Variants in NTAQ1 observed in about 807,000 individuals in gnomAD.
NTAQ1 encodes protein N-terminal glutamine amidohydrolase.
A neutral mutation model predicts 28.2 loss-of-function variants in NTAQ1; 21 were observed. The observed-to-expected ratio is 0.74, with a 90% CI of 0.53 to 1.07. NTAQ1 has a LOEUF of 1.07. NTAQ1 is among the 50% of genes least tolerant of loss of function. NTAQ1 has a pLI of 0.00. For synonymous variants in NTAQ1, 105 were observed against 90.0 expected, an observed-to-expected ratio of 1.17 and a Z score of -0.94; for missense variants, 264 against 256.6, an observed-to-expected ratio of 1.03 and a Z score of -0.20.
chr8:123,448,615 G>A (rs1480510628), downstream of NTAQ1, among the ~76,000 whole-genome samples: 2 of 152,158 alleles, frequency 1.3e-5, no homozygotes, highest in Non-Finnish European at 2.9e-5. Flanking sequence ...GTGAGACTCC[G>A]TCGAAAAAGA....
chr8:123,427,519 C>T (rs1240353409), intron 1 of NTAQ1, among the ~76,000 whole-genome samples: 3 of 152,118 alleles, frequency 2.0e-5, no homozygotes, highest in Non-Finnish European at 2.9e-5. Flanking sequence ...CCGCCCGCCT[C>T]GGCCTCCCAA....
intron 6 of NTAQ1, among the ~76,000 whole-genome samples, chr8:123,464,854 A>G (rs1244024789): frequency 1.3e-5 from 2 of 152,332 alleles, no homozygotes; most frequent in East Asian, 3.9e-4. Flanking sequence ...CCTGGCCAAC[A>G]TAGTGAAACC....
downstream of NTAQ1, among the ~76,000 whole-genome samples, chr8:123,451,595 T>C (rs1036546791): frequency 6.6e-6 from 1 of 152,214 alleles, no homozygotes; most frequent in African/African-American, 2.4e-5. Context: ...CACTTCAGCC[T>C]CCCAAAATGC....
intron 1 of NTAQ1, among the ~76,000 whole-genome samples, chr8:123,419,078 G>T (rs4871369): frequency 0.99 from 136,679 of 138,082 alleles, 67,691 homozygotes; most frequent in East Asian, 1. Context: ...TGCAGCTTTG[G>T]GGGTTTTTTT....
chr8:123,460,920 C>T (rs1431793360), intron 6 of NTAQ1, among the ~76,000 whole-genome samples: 3 of 152,238 alleles, frequency 2.0e-5, no homozygotes, highest in Non-Finnish European at 4.4e-5. Context: ...CGTCTGACTT[C>T]TACATTCAGG....
chr8:123,448,627 TAAGAAG>T (rs1052475904), downstream of NTAQ1, among the ~76,000 whole-genome samples: 1 of 152,102 alleles, frequency 6.6e-6, no homozygotes, highest in Non-Finnish European at 1.5e-5. Flanking sequence ...CGAAAAAGAA[TAAGAAG>T]AATTTGTGGT....
chr8:123,440,154 T>C (rs1814968440), intron 5 of NTAQ1, among the ~76,000 whole-genome samples: 1 of 128,680 alleles, frequency 7.8e-6, no homozygotes, highest in Admixed American at 7.9e-5. Context: ...TCCTTTTTTT[T>C]TTTTTTTTTT....
intron 6 of NTAQ1, among the ~76,000 whole-genome samples, chr8:123,461,233 A>C (rs926006017): frequency 6.6e-6 from 1 of 152,104 alleles, no homozygotes; most frequent in Non-Finnish European, 1.5e-5. Flanking sequence ...ACGCTGCACC[A>C]TCTCCCAGGG....
chr8:123,427,832 C>A, intron 1 of NTAQ1, 92 bp from the exon 2 acceptor site: 1 of 1,100,130 alleles, frequency 9.1e-7, no homozygotes, highest in Admixed American at 2.2e-5. Context: ...AGGTCTTTTC[C>A]AACTTTTTGA....
intron 3 of NTAQ1, among the ~76,000 whole-genome samples, chr8:123,431,639 G>C (rs1026653327): frequency 3.3e-5 from 5 of 152,208 alleles, no homozygotes; most frequent in African/African-American, 4.8e-5. Context: ...CTCAGCTCTA[G>C]GGTTAGGAGC....
chr8:123,453,124 G>A (rs561256825), intron 6 of NTAQ1, among the ~76,000 whole-genome samples: 2 of 152,298 alleles, frequency 1.3e-5, no homozygotes, highest in South Asian at 2.1e-4. Context: ...CGTAAGTGAC[G>A]GTTGAATCAG....
rs373215386 is a variant in NTAQ1 at position 123,434,129 on chromosome 8, GCTCCTGCCTGCATTGCT to G, written c.235-2297_235-2281del. 2.6e-3 allele frequency among the ~76,000 whole-genome samples: 392 copies of G among 152,108 alleles called. 3 individuals carry two copies. In the South Asian group the frequency reaches 0.038, roughly 15 times the overall value. On this transcript the variant is annotated intron_variant, in intron 3 of 5. Coordinates refer to ENST00000287387, the MANE Select transcript of NTAQ1 (RefSeq NM_018024.3). ...TGAGATTGGAACCAGGCGCTTACCT[GCTCCTGCCTGCATTGCT>G]CTCCTGCCTGCATTGCTCTCCTGCC...
chr8:123,474,662 T>TGGG (rs1014241984), downstream of NTAQ1, among the ~76,000 whole-genome samples: 4 of 152,174 alleles, frequency 2.6e-5, no homozygotes, highest in Non-Finnish European at 5.9e-5. Flanking sequence ...CCTAGCACTG[T>TGGG]GGGAGGCCAA....
At chr8:123,445,758 A>G (rs1815254995), downstream of NTAQ1, among the ~76,000 whole-genome samples, 1 of 150,900 alleles carries the variant, frequency 6.6e-6, no homozygotes, top group Admixed American at 6.6e-5. Context: ...GGCGTGCACC[A>G]CCACACTTGG....
downstream of NTAQ1, among the ~76,000 whole-genome samples, chr8:123,442,783 C>T (rs910035559): frequency 2.4e-4 from 36 of 150,790 alleles, no homozygotes; most frequent in Middle Eastern, 3.5e-3. Context: ...ATTCTCGTGC[C>T]TCAGCCTCCT....
chr8:123,441,549 A>C lies in NTAQ1; in HGVS notation c.*134A>C. ...TCTCTTTTAATTTGATTGAGTGGAA[A>C]TCTGAGTGAATACAAATATAAATGA... On this transcript the variant is annotated 3_prime_UTR_variant, in exon 6 of 6. Transcript: ENST00000287387. 1.4e-6 allele frequency: 1 copy of C among 733,216 alleles called. No individual in the cohort carries two copies. The highest frequency in any genetic ancestry group is 2.3e-6 in the Non-Finnish European group (1 of 437,892). The allele number at this position is 733,216 out of a possible 1,614,324, so 45.4% of individuals were successfully genotyped here.
intron 6 of NTAQ1, among the ~76,000 whole-genome samples, chr8:123,456,361 C>T (rs539736473): frequency 1.3e-5 from 2 of 152,278 alleles, no homozygotes; most frequent in South Asian, 2.1e-4. Context: ...CTCACTGCAG[C>T]CTCCGCCTCT....
At chr8:123,469,208 A>C (rs1816017864) in exon 7 of NTAQ1, among the ~76,000 whole-genome samples, 1 of 152,182 alleles carries the variant, frequency 6.6e-6, no homozygotes, top group South Asian at 2.1e-4. Context: ...TTGGTGCACA[A>C]AAGTTTTTAA....
At chr8:123,441,001 C>T (rs1350587378) in intron 5 of NTAQ1, among the ~76,000 whole-genome samples, 4 of 151,600 alleles carry the variant, frequency 2.6e-5, no homozygotes, top group East Asian at 1.9e-4. Flanking sequence ...CATGAAGTTT[C>T]GTTCCATAGA....
Sources: allele counts gnomAD v4.1 joint callset (sites outside exome capture counted in the v4.1 genomes callset), GRCh38; gene constraint gnomAD v4.1.1; transcripts MANE v1.5; gene names NCBI Gene and HGNC (gene_info 2026-07-23, HGNC 2026-07-21).